The following PCDHA8 variants were observed in gnomAD, a reference collection of about 807,000 sequenced individuals.
The protein encoded by PCDHA8 is protocadherin alpha-8.
PCDHA8 carries 53 observed loss-of-function variants against 61.8 expected under a neutral mutation model. The observed-to-expected ratio is 0.86, with a 90% CI of 0.69 to 1.08. The LOEUF (loss-of-function observed/expected upper bound fraction) is 1.08. Ranked by LOEUF, PCDHA8 falls within the 50% of genes least tolerant of loss-of-function variation. The pLI is 0.00. For missense variants in PCDHA8, 1,293 were observed against 1,245.0 expected (o/e 1.04, Z -0.58); for synonymous variants, 618 against 556.6 (o/e 1.11, Z -1.55).
rs781970935 is a variant in PCDHA8 at position 140,982,505 on chromosome 5, A to G, written c.2484A>G (p.Leu828=). The change falls in exon 3 of 4, where the codon CTA becomes CTG. Residue 828 remains leucine (L), a synonymous_variant. Coordinates refer to ENST00000531613, the MANE Select transcript of PCDHA8 (RefSeq NM_018911.3). ...TGCACCTAGAGGAGGCTGGCATTCT[A>G]CGGGCTGGTCCAGGAGGGCCTGATC... ...SSVHLEEAGI[L]RAGPGGPDQQ... The G allele has an allele frequency of 1.2e-6, 2 of 1,614,220 alleles. No homozygotes were observed. The highest frequency in any genetic ancestry group is 8.5e-7 in the Non-Finnish European group (1 of 1,180,032).
In PCDHA8 at chr5:140,841,207, T is replaced by A; in HGVS notation, c.-115T>A. 1 of 1,357,192 alleles carries A rather than the reference T, an allele frequency of 7.4e-7. No homozygotes were observed. The highest frequency in any genetic ancestry group is 1.0e-6 in the Non-Finnish European group (1 of 996,202). 84.1% of individuals were successfully genotyped at this position (1,357,192 alleles called of 1,614,324 possible). On this transcript the variant is annotated 5_prime_UTR_variant, in exon 1 of 4. Transcript: ENST00000531613. ...AAAGTCTTTTCTCTGACAGCATCTGTCTCTAAAGGCCGAACAACGGGAGAT... is the reference window on the plus strand; with the variant it reads ...AAAGTCTTTTCTCTGACAGCATCTGACTCTAAAGGCCGAACAACGGGAGAT...
At chr5:140,967,978 G>A in intron 1 of PCDHA8, 5 of 1,614,206 alleles carry the variant, frequency 3.1e-6, no homozygotes, top group Non-Finnish European at 3.4e-6. Flanking sequence ...GCCTGGGTCT[G>A]GAGGCCACAC....
At chr5:140,973,273 C>A (rs1180418925) in intron 1 of PCDHA8, among the ~76,000 whole-genome samples, 1 of 152,150 alleles carries the variant, frequency 6.6e-6, no homozygotes, top group Non-Finnish European at 1.5e-5. Flanking sequence ...ACTTTTATTT[C>A]CCCCAGCACT....
intron 1 of PCDHA8, chr5:140,859,810 TGC>T (rs2046025948): frequency 6.6e-6 from 1 of 152,488 alleles, no homozygotes. Context: ...GCTAAGTTAA[TGC>T]AGAGTTTAGA....
chr5:140,926,170 C>T lies in PCDHA8; in HGVS notation c.2395-52779C>T, dbSNP rs558750358. 2.6e-5 allele frequency among the ~76,000 whole-genome samples: 4 copies of T among 151,860 alleles called. No homozygotes were observed. In the South Asian group the frequency reaches 6.6e-4, roughly 25 times the overall value. On this transcript the variant is annotated intron_variant, in intron 1 of 3. Coordinates refer to ENST00000531613, the MANE Select transcript of PCDHA8 (RefSeq NM_018911.3). ...CGGAAAGCTCTGCAGCAGGATCCAG[C>T]GCGGAAAGCCCCCCGCAGCACTTCT...
intron 1 of PCDHA8, among the ~76,000 whole-genome samples, chr5:140,846,373 C>CTTTTTTTTTTTTTTTTTTTTTTTTTTTT (rs374699051): frequency 3.6e-5 from 2 of 55,152 alleles, no homozygotes; most frequent in Non-Finnish European, 8.2e-5. Flanking sequence ...TTCTTTCTTT[C>CTTTTTTTTTTTTTTTTTTTTTTTTTTTT]TTTTTTTTTT....
At chr5:140,927,525 T>C in intron 1 of PCDHA8, 1 of 1,614,088 alleles carries the variant, frequency 6.2e-7, no homozygotes, top group Non-Finnish European at 8.5e-7. Context: ...GCGGGCTACC[T>C]GCCCGCTCAG....
chr5:140,921,511 C>T (rs1163280621), intron 1 of PCDHA8, among the ~76,000 whole-genome samples: 1 of 152,062 alleles, frequency 6.6e-6, no homozygotes, highest in Non-Finnish European at 1.5e-5. Context: ...TAGTGCCTAA[C>T]CTGAAATAAA....
rs571904104 is a variant in PCDHA8, at chr5:140,891,379, AT to A, written c.2394+47667del. On this transcript the variant is annotated intron_variant, in intron 1 of 3. Transcript: ENST00000531613. ...ACCTGAGCAGTATACATTGCACCATATTTGCAATCTTTTATCCCTCGCCACC... is the reference window on the plus strand; with the variant it reads ...ACCTGAGCAGTATACATTGCACCATATTGCAATCTTTTATCCCTCGCCACC... Among the ~76,000 whole-genome samples, 7 of 151,980 alleles carry A rather than the reference AT, an allele frequency of 4.6e-5. No individual in the cohort carries two copies. In the South Asian group the frequency reaches 1.5e-3, roughly 32 times the overall value.
At position 140,842,572 on chromosome 5, in the gene PCDHA8, A is replaced by C. The variant is rs2150339542; in HGVS notation, c.1251A>C (p.Arg417Ser). ...LVLDSALDRE[R>S]VSAYELVVTA... Reference sequence around the variant, plus strand: ...TGGACAGCGCCCTGGACCGCGAGAGAGTGTCGGCCTATGAGTTGGTGGTAA... The same window carrying C: ...TGGACAGCGCCCTGGACCGCGAGAGCGTGTCGGCCTATGAGTTGGTGGTAA... The change falls in exon 1 of 4, where the codon AGA becomes AGC. Residue 417 changes from arginine to serine, a missense_variant. Physicochemically the swap from Arg to Ser is moderately radical, Grantham distance 110. Coordinates refer to ENST00000531613, the MANE Select transcript of PCDHA8 (RefSeq NM_018911.3). The C allele has an allele frequency of 0.42, 640,316 of 1,537,946 alleles. 166,648 individuals are homozygous for C. Among genetic ancestry groups the C allele is most frequent in the South Asian group, 0.52 (45,491 of 87,738 alleles).
chr5:140,907,114 G>A (rs1422379312), intron 1 of PCDHA8, among the ~76,000 whole-genome samples: 1 of 152,164 alleles, frequency 6.6e-6, no homozygotes, highest in Non-Finnish European at 1.5e-5. Context: ...TCCACCCCTT[G>A]ATTCCTGGAC....
rs1280903830 is a variant in PCDHA8, at chr5:140,927,541, G to T, written c.2395-51408G>T. 4 of 1,613,996 alleles carry T rather than the reference G, an allele frequency of 2.5e-6. No homozygotes were observed. The East Asian group carries it at 6.7e-5, about 27-fold the overall frequency. On this transcript the variant is annotated intron_variant, in intron 1 of 3. Coordinates refer to ENST00000531613, the MANE Select transcript of PCDHA8 (RefSeq NM_018911.3). ...CGGGCTACCTGCCCGCTCAGGAGAC[G>T]CACAAGTCACCATCATTGTGGTGGA...
In PCDHA8 at chr5:140,852,980, G is replaced by A. The variant is rs2150526808; in HGVS notation, c.2394+9265G>A. The A allele has an allele frequency of 1.0e-4, 36 of 347,518 alleles. 1 individual carries two copies. The highest frequency in any genetic ancestry group is 1.4e-4 in the Non-Finnish European group (33 of 236,394). 21.5% of individuals were successfully genotyped at this position (347,518 alleles called of 1,614,324 possible). A position where few individuals can be genotyped will look rare whatever the true frequency, so the allele number is the denominator to read the frequency against. The stretch of plus-strand genomic sequence containing the variant: ...TCCAAGCTCCCCCTCCCGTGTTCAC[G>A]CCATTCTCCTGCCTCAGCCTCCCGA... On this transcript the variant is annotated intron_variant, in intron 1 of 3. Transcript: ENST00000531613.
chr5:140,994,358 G>A (rs2097616894), intron 3 of PCDHA8, among the ~76,000 whole-genome samples: 1 of 152,162 alleles, frequency 6.6e-6, no homozygotes, highest in Admixed American at 6.5e-5. Flanking sequence ...GACCTCAGAA[G>A]ATGGAATTGG....
chr5:140,965,307 C>T (rs2095888914), intron 1 of PCDHA8, among the ~76,000 whole-genome samples: 1 of 152,150 alleles, frequency 6.6e-6, no homozygotes, highest in Admixed American at 6.5e-5. Context: ...ATCCTTCTAC[C>T]TTCTCTTTTA....
Position 140,850,629 on chromosome 5 carries a change from G to T in PCDHA8, c.2394+6914G>T, listed in dbSNP as rs2150491518. On this transcript the variant is annotated intron_variant, in intron 1 of 3. Transcript: ENST00000531613. ...CATCTGCGCGGTGTCTAGCCTGTTG[G>T]TTCTCACGCTGCTGCTGTACACTGT... is the stretch of plus-strand genomic sequence containing the variant. 44 of 1,598,620 alleles carry T rather than the reference G, an allele frequency of 2.8e-5. 2 individuals carry two copies. The East Asian group carries it at 9.4e-4, about 34-fold the overall frequency.
chr5:140,941,185 CT>C (rs782102770), intron 1 of PCDHA8, among the ~76,000 whole-genome samples: 20 of 102,174 alleles, frequency 2.0e-4, no homozygotes, highest in Admixed American at 7.9e-4. Context: ...CATCCTGCTT[CT>C]TTTTTTTTCT....
intron 1 of PCDHA8, chr5:140,869,878 ACT>A: frequency 6.2e-7 from 1 of 1,610,122 alleles, no homozygotes; most frequent in Non-Finnish European, 8.5e-7. Context: ...TGCTAAAGAA[ACT>A]CTTGTGCTCA....
At chr5:140,963,128 T>A (rs1283011021) in intron 1 of PCDHA8, among the ~76,000 whole-genome samples, 1 of 152,144 alleles carries the variant, frequency 6.6e-6, no homozygotes, top group African/African-American at 2.4e-5. Context: ...AGAGATAATA[T>A]TAAATTATTT....
Sources: gnomAD v4.1 joint callset for allele counts (sites outside exome capture counted in the v4.1 genomes callset) on GRCh38, gnomAD v4.1.1 for gene constraint, MANE v1.5 for transcripts, NCBI Gene and HGNC (gene_info 2026-07-23, HGNC 2026-07-21) for gene names.